Variants in NUDT3 observed in about 807,000 individuals in gnomAD.
NUDT3 encodes nudix hydrolase 3.
In NUDT3, 9 loss-of-function variants were observed where a neutral mutation model predicts 23.6. That is an observed-to-expected ratio of 0.38 (90% confidence interval 0.23 to 0.66). The LOEUF is 0.66. NUDT3 is among the 30% of genes least tolerant of loss of function. The pLI is 0.52. For missense variants in NUDT3, 172 were observed against 218.5 expected (o/e 0.79, Z 1.34); for synonymous variants, 86 against 82.6 (o/e 1.04, Z -0.22).
At chr6:34,308,948 A>G (rs1763725840) in intron 2 of NUDT3, among the ~76,000 whole-genome samples, 2 of 152,242 alleles carry the variant, frequency 1.3e-5, no homozygotes, top group African/African-American at 4.8e-5. Flanking sequence ...CAACAACAGC[A>G]GAATACACAT....
At chr6:34,392,226 G>A in intron 1 of NUDT3, 38 bp downstream of exon 1, 7 of 1,512,432 alleles carry the variant, frequency 4.6e-6, no homozygotes, top group African/African-American at 1.4e-5. Context: ...AGGGGCCGGA[G>A]ACCCGGCGAC....
intron 1 of NUDT3, among the ~76,000 whole-genome samples, chr6:34,391,557 G>A (rs1765198924): frequency 6.6e-6 from 1 of 152,148 alleles, no homozygotes; most frequent in Admixed American, 6.5e-5. Context: ...GGCAGTGGAG[G>A]AACGTCAGGG....
At chr6:34,362,738 GAGTCTC>G (rs1252192606) in intron 1 of NUDT3, among the ~76,000 whole-genome samples, 4 of 152,100 alleles carry the variant, frequency 2.6e-5, no homozygotes, top group Non-Finnish European at 4.4e-5. Flanking sequence ...TTACAGGCGT[GAGTCTC>G]TGCGCCTGGC....
At chr6:34,354,749 A>T (rs569466711) in intron 1 of NUDT3, among the ~76,000 whole-genome samples, 21 of 144,540 alleles carry the variant, frequency 1.5e-4, no homozygotes, top group Non-Finnish European at 2.3e-4. Flanking sequence ...ATATATATAT[A>T]TATTTATTTA....
intron 2 of NUDT3, among the ~76,000 whole-genome samples, chr6:34,325,155 G>A (rs1278033798): frequency 1.3e-5 from 2 of 152,186 alleles, no homozygotes; most frequent in Admixed American, 1.3e-4. Context: ...GTCTTCTAAT[G>A]TAAAACTGCC....
chr6:34,382,865 C>T (rs1040522160), intron 1 of NUDT3, among the ~76,000 whole-genome samples: 1 of 151,750 alleles, frequency 6.6e-6, no homozygotes, highest in Non-Finnish European at 1.5e-5. Context: ...CGGTGGTTCT[C>T]ACCTGTAATC....
In NUDT3 at chr6:34,289,838, C is replaced by A. The variant is rs573582724; in HGVS notation, c.341-907G>T. 1.2e-4 allele frequency among the ~76,000 whole-genome samples: 19 copies of A among 152,118 alleles called. No homozygotes were observed. In the East Asian group the frequency reaches 2.3e-3, roughly 19 times the overall value. On this transcript the variant is annotated intron_variant, in intron 4 of 4. Coordinates refer to ENST00000607016, the MANE Select transcript of NUDT3 (RefSeq NM_006703.4). ...CCATAATCTTATAAACCAGAAAAAA[C>A]CACTCTCAATACCCTAGCACAACTG...
intron 1 of NUDT3, among the ~76,000 whole-genome samples, chr6:34,364,291 C>T (rs1169754622): frequency 1.3e-5 from 2 of 152,168 alleles, no homozygotes; most frequent in Non-Finnish European, 2.9e-5. Context: ...GTAAATATAA[C>T]TGAATATAAA....
intron 2 of NUDT3, 33 bp from the exon 3 acceptor site, chr6:34,295,718 T>C (rs777940624): frequency 1.2e-6 from 2 of 1,610,802 alleles, no homozygotes; most frequent in South Asian, 1.1e-5. Context: ...AATGCACTGA[T>C]AGTATTATAT....
In NUDT3 at chr6:34,283,202, CTTTTTTTTTTT is replaced by C. The variant is rs202246513; in HGVS notation, c.*5540_*5550del. ...ACAAAATGGGATTCCCTTCCCTTTT[CTTTTTTTTTTT>C]TTTTTTTTTGAGACGGAGTCTTGCT... On this transcript the variant is annotated 3_prime_UTR_variant, in exon 5 of 5. Transcript: ENST00000607016. The C allele has an allele frequency of 1.9e-5, 2 of 107,662 alleles. No homozygotes were observed. Among genetic ancestry groups the C allele is most frequent in the South Asian group, 3.0e-4 (1 of 3,310 alleles). The allele number at this position is 107,662 out of a possible 1,614,324, so 6.7% of individuals were successfully genotyped here.
intron 2 of NUDT3, among the ~76,000 whole-genome samples, chr6:34,307,069 A>C (rs182907041): frequency 1.0e-3 from 152 of 152,252 alleles, no homozygotes; most frequent in African/African-American, 3.4e-3. Flanking sequence ...TAGAGAAGCA[A>C]AAACATTTAT....
intron 2 of NUDT3, among the ~76,000 whole-genome samples, chr6:34,314,390 TAAAA>T (rs5875502): frequency 1.6e-5 from 2 of 123,948 alleles, no homozygotes; most frequent in Admixed American, 8.1e-5. Flanking sequence ...CTGTCTCTAC[TAAAA>T]AAAAAAAAAA....
intron 2 of NUDT3, among the ~76,000 whole-genome samples, chr6:34,297,550 G>GTTT (rs59167136): frequency 7.6e-6 from 1 of 131,352 alleles, no homozygotes; most frequent in Non-Finnish European, 1.6e-5. Context: ...AAAAGTCATT[G>GTTT]TTTTTTTTTT....
intron 1 of NUDT3, among the ~76,000 whole-genome samples, chr6:34,382,799 C>T (rs117164202): frequency 0.074 from 11,206 of 151,590 alleles, 1,229 homozygotes; most frequent in East Asian, 0.44. Flanking sequence ...TCACAGCACA[C>T]CAACCTGGAT....
At chr6:34,321,967 T>G (rs1391007825) in intron 2 of NUDT3, among the ~76,000 whole-genome samples, 1 of 152,190 alleles carries the variant, frequency 6.6e-6, no homozygotes, top group Non-Finnish European at 1.5e-5. Flanking sequence ...TTTTACCGCT[T>G]CTTGTGAAGC....
At chr6:34,308,162 A>T in intron 2 of NUDT3, among the ~76,000 whole-genome samples, 1 of 127,210 alleles carries the variant, frequency 7.9e-6, no homozygotes, top group African/African-American at 3.1e-5. Context: ...AAAAAAAAAA[A>T]AAAAAAAGAT....
intron 1 of NUDT3, among the ~76,000 whole-genome samples, chr6:34,378,395 C>T (rs1022204718): frequency 3.3e-5 from 5 of 152,144 alleles, no homozygotes; most frequent in Admixed American, 1.3e-4. Flanking sequence ...AACATGTATA[C>T]GTTTCTTCTG....
Position 34,392,594 on chromosome 6 carries a change from G to GGCCGCCGCCCCCTCTGCC in NUDT3, c.-250_-233dup, listed in dbSNP as rs1237809640. 6.4e-6 allele frequency: 2 copies of GGCCGCCGCCCCCTCTGCC among 312,286 alleles called. No individual in the cohort carries two copies. The highest frequency in any genetic ancestry group is 1.2e-4 in the South Asian group (1 of 8,178). The allele number at this position is 312,286 out of a possible 1,614,324, so 19.3% of individuals were successfully genotyped here. A position where few individuals can be genotyped will look rare whatever the true frequency, so the allele number is the denominator to read the frequency against. On this transcript the variant is annotated 5_prime_UTR_variant, in exon 1 of 5. Transcript: ENST00000607016. ...CGGCTGCCGTCTCCGCTGCCGCCAG[G>GGCCGCCGCCCCCTCTGCC]GCCGCCGCCCCCTCTGCCGCCGCCA... is the stretch of plus-strand genomic sequence containing the variant.
intron 2 of NUDT3, among the ~76,000 whole-genome samples, chr6:34,315,933 T>C (rs1486277078): frequency 1.3e-5 from 2 of 152,214 alleles, no homozygotes; most frequent in East Asian, 1.9e-4. Flanking sequence ...CGATAAAGCA[T>C]GTCATGGAGG....
Sources: gnomAD v4.1 joint callset for allele counts (sites outside exome capture counted in the v4.1 genomes callset) on GRCh38, gnomAD v4.1.1 for gene constraint, MANE v1.5 for transcripts, NCBI Gene and HGNC (gene_info 2026-07-23, HGNC 2026-07-21) for gene names.